Variants in RBMS1 observed in about 807,000 individuals in gnomAD.
The protein encoded by RBMS1 is RNA-binding motif, single-stranded-interacting protein 1.
Under a neutral mutation model 62.3 loss-of-function variants are expected in RBMS1, and 17 were observed. The observed-to-expected ratio is 0.27, with a 90% confidence interval of 0.19 to 0.41. The LOEUF (loss-of-function observed/expected upper bound fraction) is 0.41, where lower values mean the gene tolerates loss of function less well. Among genes scored for constraint, RBMS1 ranks in the 10% least tolerant of loss-of-function variants. RBMS1 has a pLI of 1.00. For missense variants in RBMS1, 334 were observed against 504.5 expected (o/e 0.66, Z 3.24); for synonymous variants, 172 against 170.0 (o/e 1.01, Z -0.09).
intron 1 of RBMS1, among the ~76,000 whole-genome samples, chr2:160,450,584 A>AAAAAAAAT: frequency 6.6e-6 from 1 of 150,922 alleles, no homozygotes; most frequent in Non-Finnish European, 1.5e-5. Context: ...AAAAAACAAA[A>AAAAAAAAT]AACATTAACC....
rs1463291883 is a variant in RBMS1 at position 160,275,623 on chromosome 2, C to T, written c.*7+7G>A. On this transcript the variant is annotated splice_region_variant and intron_variant, in intron 13 of 13. Transcript: ENST00000348849. ...GCCCCCCAGTTATGAAGACCTTTCC[C>T]TCATACCTCACAGTTACTTATTAGG... 1 of 1,612,944 alleles carries T rather than the reference C, an allele frequency of 6.2e-7. No homozygotes were observed. Among genetic ancestry groups the T allele is most frequent in the Non-Finnish European group, 8.5e-7 (1 of 1,179,190 alleles).
At chr2:160,440,871 T>C (rs1344086299) in intron 1 of RBMS1, among the ~76,000 whole-genome samples, 1 of 152,222 alleles carries the variant, frequency 6.6e-6, no homozygotes, top group Non-Finnish European at 1.5e-5. Context: ...AGGTAGATTG[T>C]TTTGCTTTTT....
intron 1 of RBMS1, among the ~76,000 whole-genome samples, chr2:160,434,706 G>T (rs1274243659): frequency 2.6e-5 from 4 of 152,140 alleles, no homozygotes; most frequent in Non-Finnish European, 5.9e-5. Context: ...TACCCTATTA[G>T]ACAGCACAGG....
chr2:160,448,530 G>A (rs1010774033), intron 1 of RBMS1, among the ~76,000 whole-genome samples: 4 of 152,266 alleles, frequency 2.6e-5, no homozygotes, highest in Admixed American at 6.5e-5. Flanking sequence ...TCCTGACCGC[G>A]AGTAATCTGC....
chr2:160,460,600 C>T (rs557020745), intron 1 of RBMS1, among the ~76,000 whole-genome samples: 17 of 152,216 alleles, frequency 1.1e-4, no homozygotes, highest in Admixed American at 3.9e-4. Flanking sequence ...TGCCTGCTTC[C>T]TTTTCTAACA....
chr2:160,329,628 G>A (rs907895917), intron 2 of RBMS1, among the ~76,000 whole-genome samples: 1 of 152,038 alleles, frequency 6.6e-6, no homozygotes, highest in African/African-American at 2.4e-5. Context: ...AATTACTTTA[G>A]TATCAGTTTC....
chr2:160,372,383 C>G lies in RBMS1; in HGVS notation c.76-4992G>C, dbSNP rs529333398. On this transcript the variant is annotated intron_variant, in intron 1 of 13. Coordinates refer to ENST00000348849, the MANE Select transcript of RBMS1 (RefSeq NM_016836.4). ...CGACCACCACCACCACCATCCCAAA[C>G]AGCAGGTTGGTTTAATACATCAACT... is the stretch of plus-strand genomic sequence containing the variant. 6.6e-4 allele frequency among the ~76,000 whole-genome samples: 101 copies of G among 152,294 alleles called. 2 individuals carry two copies. Among genetic ancestry groups the G allele is most frequent in the South Asian group, 4.1e-4 (2 of 4,826 alleles).
intron 1 of RBMS1, among the ~76,000 whole-genome samples, chr2:160,466,571 CA>C (rs1684701505): frequency 6.6e-6 from 1 of 152,146 alleles, no homozygotes; most frequent in East Asian, 1.9e-4. Context: ...CCAACATGTA[CA>C]CAACACACAC....
chr2:160,293,105 A>G (rs1688764347), intron 6 of RBMS1, among the ~76,000 whole-genome samples: 1 of 152,184 alleles, frequency 6.6e-6, no homozygotes, highest in Non-Finnish European at 1.5e-5. Flanking sequence ...GACATTCCAC[A>G]TGTCTTCAAG....
At chr2:160,303,551 A>C in intron 4 of RBMS1, 64 bp from the exon 5 acceptor site, 3 of 1,495,528 alleles carry the variant, frequency 2.0e-6, no homozygotes, top group Non-Finnish European at 1.8e-6. Flanking sequence ...ATGTTAACAC[A>C]CCTATTTTTA....
chr2:160,456,472 C>T (rs917889435), intron 1 of RBMS1, among the ~76,000 whole-genome samples: 1 of 152,084 alleles, frequency 6.6e-6, no homozygotes, highest in Non-Finnish European at 1.5e-5. Flanking sequence ...TAGATTGTTA[C>T]CTTACTCCTT....
chr2:160,477,087 G>A (rs908482818), intron 1 of RBMS1, among the ~76,000 whole-genome samples: 3 of 152,134 alleles, frequency 2.0e-5, no homozygotes, highest in Admixed American at 6.5e-5. Context: ...TAAAATATAA[G>A]AAGAAGCAAA....
At chr2:160,448,599 G>C (rs921029981) in intron 1 of RBMS1, among the ~76,000 whole-genome samples, 4 of 152,230 alleles carry the variant, frequency 2.6e-5, no homozygotes, top group African/African-American at 9.6e-5. Flanking sequence ...CTCAGTGCTC[G>C]ATGTTGCCCA....
chr2:160,450,576 A>AAAC (rs1683936552), intron 1 of RBMS1, among the ~76,000 whole-genome samples: 3 of 150,238 alleles, frequency 2.0e-5, no homozygotes, highest in South Asian at 2.1e-4. Context: ...AAAAAAAAAA[A>AAAC]AAACAAAAAA....
chr2:160,353,540 G>T (rs901219785), intron 2 of RBMS1, among the ~76,000 whole-genome samples: 1 of 152,126 alleles, frequency 6.6e-6, no homozygotes, highest in Admixed American at 6.6e-5. Flanking sequence ...GTCAAGACCT[G>T]CCCAGTGGAG....
intron 1 of RBMS1, among the ~76,000 whole-genome samples, chr2:160,487,761 A>G (rs551034375): frequency 4.0e-4 from 61 of 152,336 alleles, no homozygotes; most frequent in Non-Finnish European, 6.5e-4. Flanking sequence ...CATATTCTCA[A>G]TCTTCTAAAA....
intron 1 of RBMS1, chr2:160,407,875 C>T (rs1695844029): frequency 1.0e-6 from 1 of 980,966 alleles, no homozygotes; most frequent in African/African-American, 1.8e-5. Context: ...CGCCGCGTCC[C>T]CACCTACCGC....
intron 1 of RBMS1, among the ~76,000 whole-genome samples, chr2:160,400,585 T>A (rs929315917): frequency 4.5e-4 from 68 of 152,268 alleles, no homozygotes; most frequent in African/African-American, 1.6e-3. Flanking sequence ...CCTCTATATT[T>A]AGAATATTTA....
intron 4 of RBMS1, among the ~76,000 whole-genome samples, chr2:160,303,839 C>T (rs904328670): frequency 4.6e-5 from 7 of 152,090 alleles, no homozygotes; most frequent in South Asian, 2.1e-4. Flanking sequence ...CACACTATTG[C>T]GCAGGAAGCT....
Sources: gnomAD v4.1 joint callset for allele counts (sites outside exome capture counted in the v4.1 genomes callset) on GRCh38, gnomAD v4.1.1 for gene constraint, MANE v1.5 for transcripts, NCBI Gene and HGNC (gene_info 2026-07-23, HGNC 2026-07-21) for gene names.